PLA2G4C: variants seen among roughly 807,000 people sequenced by gnomAD.
PLA2G4C encodes phospholipase A2 group IVC, also known as cytosolic phospholipase A2 gamma.
A neutral mutation model predicts 73.8 loss-of-function variants in PLA2G4C; 64 were observed. The ratio of observed to expected loss-of-function variants is 0.87; its 90% CI spans 0.71 to 1.07. The LOEUF (loss-of-function observed/expected upper bound fraction) is 1.07. PLA2G4C is among the 50% of genes least tolerant of loss of function. The probability of loss-of-function intolerance (pLI) is 0.00; values close to 1 mark genes in which losing one functional copy is unlikely to be tolerated. For missense variants in PLA2G4C, 622 were observed against 665.4 expected (o/e 0.93, Z 0.72); for synonymous variants, 254 against 252.1 (o/e 1.01, Z -0.07).
At chr19:48,102,182 G>A (rs2031954266) in intron 4 of PLA2G4C, among the ~76,000 whole-genome samples, 1 of 151,902 alleles carries the variant, frequency 6.6e-6, no homozygotes, top group Non-Finnish European at 1.5e-5. Context: ...TTACCTTCTT[G>A]AAGAGGCTAC....
At chr19:48,086,214 T>A (rs1183333780) in intron 9 of PLA2G4C, among the ~76,000 whole-genome samples, 1 of 152,134 alleles carries the variant, frequency 6.6e-6, no homozygotes, top group South Asian at 2.1e-4. Context: ...AGCTTATGAC[T>A]TGGGGGCATT....
chr19:48,050,673 C>CTTTTTTTTTTTTTT (rs5828330), intron 16 of PLA2G4C, among the ~76,000 whole-genome samples: 6,238 of 78,484 alleles, frequency 0.079, 1,658 homozygotes, highest in East Asian at 0.12. Context: ...GAGTATGTGA[C>CTTTTTTTTTTTTTT]TTTTTTTTTT....
At chr19:48,101,124 ATATT>A (rs1310684051) in intron 4 of PLA2G4C, among the ~76,000 whole-genome samples, 14 of 59,446 alleles carry the variant, frequency 2.4e-4, no homozygotes, top group African/African-American at 1.2e-3. Flanking sequence ...ATATATATAT[ATATT>A]TTTTTTTTTT....
intron 5 of PLA2G4C, 110 bp downstream of exon 5, chr19:48,099,561 A>G: frequency 1.4e-6 from 1 of 726,110 alleles, no homozygotes. Flanking sequence ...GATGACTTGA[A>G]AATCCTGAAG....
At chr19:48,062,727 T>C (rs1374429648) in intron 13 of PLA2G4C, among the ~76,000 whole-genome samples, 1 of 152,166 alleles carries the variant, frequency 6.6e-6, no homozygotes, top group Non-Finnish European at 1.5e-5. Context: ...AAAATGGGGT[T>C]TTTGGCGTGA....
At chr19:48,049,448 C>A (rs529180440) in intron 16 of PLA2G4C, among the ~76,000 whole-genome samples, 1 of 151,970 alleles carries the variant, frequency 6.6e-6, no homozygotes, top group Non-Finnish European at 1.5e-5. Flanking sequence ...ATGGCACTTA[C>A]TCTCCATGGC....
chr19:48,085,882 G>A (rs540664280), intron 9 of PLA2G4C, among the ~76,000 whole-genome samples: 11 of 152,244 alleles, frequency 7.2e-5, no homozygotes, highest in East Asian at 1.9e-4. Flanking sequence ...GGGGAGGTTC[G>A]TGGAATATAA....
At chr19:48,061,833 G>A (rs753502664) in intron 14 of PLA2G4C, 165 bp downstream of exon 14, 17 of 689,324 alleles carry the variant, frequency 2.5e-5, no homozygotes, top group Admixed American at 9.2e-5. Flanking sequence ...GGCCGACCGC[G>A]GGTGCTTCGG....
chr19:48,076,911 G>A (rs1031544249), intron 11 of PLA2G4C, among the ~76,000 whole-genome samples: 1 of 152,094 alleles, frequency 6.6e-6, no homozygotes, highest in Non-Finnish European at 1.5e-5. Flanking sequence ...GCAATTTGTG[G>A]TTTCTTTGCG....
chr19:48,101,674 C>CTT lies in PLA2G4C; in HGVS notation c.258-1816_258-1815dup, dbSNP rs71181648. Reference sequence around the variant, plus strand: ...TATGAAAAGTTCTTTCCTTTAATATCTTTTTTTTTTTTTTTTTGAGATGGA... The same window carrying CTT: ...TATGAAAAGTTCTTTCCTTTAATATCTTTTTTTTTTTTTTTTTTTGAGATGGA... On this transcript the variant is annotated intron_variant, in intron 4 of 16. Coordinates refer to ENST00000599921, the MANE Select transcript of PLA2G4C (RefSeq NM_003706.3). Among the ~76,000 whole-genome samples the CTT allele has an allele frequency of 1.4e-4, 19 of 131,828 alleles. No individual in the cohort carries two copies. In the South Asian group the frequency reaches 1.7e-3, roughly 12 times the overall value. 86.5% of individuals were successfully genotyped at this position (131,828 alleles called of 152,430 possible). A position where few individuals can be genotyped will look rare whatever the true frequency, so the allele number is the denominator to read the frequency against.
intron 4 of PLA2G4C, among the ~76,000 whole-genome samples, chr19:48,101,015 C>G (rs2031882869): frequency 6.8e-6 from 1 of 147,756 alleles, no homozygotes; most frequent in South Asian, 2.1e-4. Flanking sequence ...GTTTATTTAG[C>G]TCACAGTTCT....
intron 1 of PLA2G4C, among the ~76,000 whole-genome samples, chr19:48,109,965 G>A (rs917165003): frequency 1.4e-4 from 21 of 151,596 alleles, no homozygotes; most frequent in Non-Finnish European, 2.5e-4. Flanking sequence ...GTTTTATAAG[G>A]AGAGATTAGG....
chr19:48,048,738 C>T lies in PLA2G4C; in HGVS notation c.1581-350G>A, dbSNP rs769448365. On this transcript the variant is annotated intron_variant, in intron 16 of 16. Transcript: ENST00000599921. Reference sequence around the variant, plus strand: ...CCATCTCTCCAATCACATTTCATTCCGTGCTTCCCCTACCCTGATCCAGCA... The same window carrying T: ...CCATCTCTCCAATCACATTTCATTCTGTGCTTCCCCTACCCTGATCCAGCA... Among the ~76,000 whole-genome samples, 20 of 152,306 alleles carry T rather than the reference C, an allele frequency of 1.3e-4. No homozygotes were observed. In the South Asian group the frequency reaches 2.5e-3, roughly 19 times the overall value.
At chr19:48,078,929 G>A (rs1347320181) in intron 10 of PLA2G4C, among the ~76,000 whole-genome samples, 1 of 148,944 alleles carries the variant, frequency 6.7e-6, no homozygotes, top group African/African-American at 2.5e-5. Context: ...GAGTGCAATG[G>A]CCAATTTTGG....
Position 48,110,563 on chromosome 19 carries a change from C to CGGAATCCGGTGCGGAGACTTGGG in PLA2G4C, c.-110_-109insCCCAAGTCTCCGCACCGGATTCC. 6.8e-7 allele frequency: 1 copy of CGGAATCCGGTGCGGAGACTTGGG among 1,475,058 alleles called. No homozygotes were observed. The highest frequency in any genetic ancestry group is 1.3e-5 in the South Asian group (1 of 79,236). 91.4% of individuals were successfully genotyped at this position (1,475,058 alleles called of 1,614,324 possible). Reference sequence around the variant, plus strand: ...GAATCCGGTGCGGAGGCTTGGGCTCCCTGCGCTTAGCGGTGTAGTCGCTGG... The same window carrying CGGAATCCGGTGCGGAGACTTGGG: ...GAATCCGGTGCGGAGGCTTGGGCTCCGGAATCCGGTGCGGAGACTTGGGCTGCGCTTAGCGGTGTAGTCGCTGG... On this transcript the variant is annotated 5_prime_UTR_variant, in exon 1 of 17. Coordinates refer to ENST00000599921, the MANE Select transcript of PLA2G4C (RefSeq NM_003706.3).
intron 6 of PLA2G4C, chr19:48,096,936 A>C (rs933194522): frequency 4.6e-5 from 7 of 152,042 alleles, no homozygotes; most frequent in Admixed American, 1.3e-4. Context: ...CGGGTGGATC[A>C]CCTGAGGTCA....
intron 7 of PLA2G4C, among the ~76,000 whole-genome samples, chr19:48,092,112 C>T (rs571662169): frequency 1.2e-4 from 18 of 151,964 alleles, no homozygotes; most frequent in South Asian, 1.0e-3. Flanking sequence ...CGCAATGGCG[C>T]GATCTCCGCT....
intron 3 of PLA2G4C, 115 bp from the exon 4 acceptor site, chr19:48,104,839 T>C (rs1243313901): frequency 1.7e-5 from 17 of 983,238 alleles, no homozygotes; most frequent in South Asian, 3.2e-5. Flanking sequence ...TCCCAGCACA[T>C]TGGGAGGCCG....
chr19:48,081,376 C>G (rs1328329818), intron 10 of PLA2G4C, among the ~76,000 whole-genome samples: 1 of 152,120 alleles, frequency 6.6e-6, no homozygotes, highest in Non-Finnish European at 1.5e-5. Flanking sequence ...TAAGTGGGAG[C>G]TAAGCTATGG....
Sources: gnomAD v4.1 joint callset for allele counts (sites outside exome capture counted in the v4.1 genomes callset) on GRCh38, gnomAD v4.1.1 for gene constraint, MANE v1.5 for transcripts, NCBI Gene and HGNC (gene_info 2026-07-23, HGNC 2026-07-21) for gene names.